KCNC2: variants seen among roughly 807,000 people sequenced by gnomAD.
KCNC2 encodes potassium voltage-gated channel subfamily C member 2, also known as voltage-gated potassium channel KCNC2.
Under a neutral mutation model 44.5 loss-of-function variants are expected in KCNC2, and 21 were observed. That is an observed-to-expected ratio of 0.47 (90% CI 0.33 to 0.68). The LOEUF is 0.68. Among genes scored for constraint, KCNC2 ranks in the 30% least tolerant of loss-of-function variants. KCNC2 has a pLI of 0.01. For synonymous variants in KCNC2, 391 were observed against 339.1 expected, an observed-to-expected ratio of 1.15 and a Z score of -1.68; for missense variants, 589 against 826.2, an observed-to-expected ratio of 0.71 and a Z score of 3.52.
At chr12:75,201,598 C>T (rs1185528860) in intron 2 of KCNC2, among the ~76,000 whole-genome samples, 1 of 151,768 alleles carries the variant, frequency 6.6e-6, no homozygotes, top group Non-Finnish European at 1.5e-5. Context: ...GGTCTCAATT[C>T]AGGCATTTTT....
chr12:75,149,389 A>T (rs1040163728), intron 2 of KCNC2, among the ~76,000 whole-genome samples: 24 of 151,952 alleles, frequency 1.6e-4, no homozygotes, highest in Middle Eastern at 6.8e-3. Flanking sequence ...AAGACTACAT[A>T]TTTGCCTTCC....
chr12:75,168,660 A>G (rs1325927673), intron 2 of KCNC2, among the ~76,000 whole-genome samples: 1 of 151,588 alleles, frequency 6.6e-6, no homozygotes, highest in Non-Finnish European at 1.5e-5. Context: ...TTACCATACC[A>G]AAACTGGCAG....
At chr12:75,199,469 G>T (rs1593082772) in intron 2 of KCNC2, among the ~76,000 whole-genome samples, 1 of 151,896 alleles carries the variant, frequency 6.6e-6, no homozygotes, top group East Asian at 1.9e-4. Context: ...ATAACATTTT[G>T]CCCCAAGTTC....
intron 1 of KCNC2, 127 bp from the exon 2 acceptor site, chr12:75,208,129 C>G: frequency 5.5e-6 from 6 of 1,086,520 alleles, no homozygotes; most frequent in Non-Finnish European, 6.5e-6. Context: ...GGCAAAGACC[C>G]TCCCCGGGAG....
chr12:75,076,038 T>TAC (rs71078709), intron 2 of KCNC2, among the ~76,000 whole-genome samples: 22,008 of 141,156 alleles, frequency 0.16, 1,599 homozygotes, highest in Middle Eastern at 0.19. Context: ...TAATGTTACA[T>TAC]ACACACACAC....
chr12:75,041,347 C>T lies in KCNC2; in HGVS notation c.*1758G>A, dbSNP rs1879881079. The T allele has an allele frequency of 2.0e-5, 30 of 1,463,742 alleles. No individual in the cohort carries two copies. The highest frequency in any genetic ancestry group is 2.5e-5 in the Non-Finnish European group (28 of 1,107,464). The allele number at this position is 1,463,742 out of a possible 1,614,324, so 90.7% of individuals were successfully genotyped here. A position where few individuals can be genotyped will look rare whatever the true frequency, so the allele number is the denominator to read the frequency against. ...TCATATATGTATGTCTGGATAAATA[C>T]ATTGCTGTACAACATCTCCAACATG... is the stretch of plus-strand genomic sequence containing the variant. On this transcript the variant is annotated 3_prime_UTR_variant, in exon 5 of 5. Coordinates refer to ENST00000549446, the MANE Select transcript of KCNC2 (RefSeq NM_139137.4).
chr12:75,157,222 C>T (rs933165454), intron 2 of KCNC2, among the ~76,000 whole-genome samples: 3 of 151,848 alleles, frequency 2.0e-5, no homozygotes, highest in African/African-American at 4.8e-5. Flanking sequence ...ATTCAGTGGG[C>T]AAGCTTTCCA....
intron 2 of KCNC2, among the ~76,000 whole-genome samples, chr12:75,052,494 A>G (rs1881284754): frequency 1.3e-5 from 2 of 152,148 alleles, no homozygotes; most frequent in Admixed American, 1.3e-4. Flanking sequence ...ATCACTAGTA[A>G]TCTGTGATAA....
intron 4 of KCNC2, among the ~76,000 whole-genome samples, chr12:75,045,384 T>G (rs1008350891): frequency 6.6e-6 from 1 of 152,004 alleles, no homozygotes; most frequent in African/African-American, 2.4e-5. Context: ...ATGGGTCCTA[T>G]ATTTCTAATG....
intron 2 of KCNC2, among the ~76,000 whole-genome samples, chr12:75,173,240 T>C (rs1891953105): frequency 6.6e-6 from 1 of 151,938 alleles, no homozygotes; most frequent in Non-Finnish European, 1.5e-5. Flanking sequence ...TGTATTAGAT[T>C]AGTTAAATCC....
intron 3 of KCNC2, 44 bp from the exon 4 acceptor site, chr12:75,048,361 G>A: frequency 1.3e-6 from 2 of 1,545,096 alleles, no homozygotes; most frequent in Non-Finnish European, 1.8e-6. Context: ...GATGAATGAG[G>A]AAATGAGACA....
At chr12:75,061,079 C>T (rs147970334) in intron 2 of KCNC2, among the ~76,000 whole-genome samples, 197 of 152,058 alleles carry the variant, frequency 1.3e-3, no homozygotes, top group African/African-American at 4.2e-3. Context: ...TTTTCTTCTC[C>T]GTTGATAGAA....
intron 2 of KCNC2, among the ~76,000 whole-genome samples, chr12:75,058,194 T>C (rs943830933): frequency 6.6e-6 from 1 of 151,944 alleles, no homozygotes; most frequent in African/African-American, 2.4e-5. Flanking sequence ...TTTTTATAAT[T>C]GTTTCATTAC....
At chr12:75,185,871 CTCTG>C (rs1319631895) in intron 2 of KCNC2, among the ~76,000 whole-genome samples, 10 of 151,860 alleles carry the variant, frequency 6.6e-5, no homozygotes, top group African/African-American at 2.4e-4. Flanking sequence ...CATGGTGAAA[CTCTG>C]TCTGTACTAA....
intron 2 of KCNC2, among the ~76,000 whole-genome samples, chr12:75,097,155 G>T (rs1418409058): frequency 6.6e-6 from 1 of 152,032 alleles, no homozygotes; most frequent in Non-Finnish European, 1.5e-5. Flanking sequence ...ATCCAAAAAG[G>T]CTACATACTG....
At chr12:75,071,766 G>A (rs1024808350) in intron 2 of KCNC2, among the ~76,000 whole-genome samples, 4 of 151,366 alleles carry the variant, frequency 2.6e-5, no homozygotes, top group South Asian at 2.1e-4. Flanking sequence ...CCTGACCAAC[G>A]TCTCTAGTAA....
chr12:75,179,034 G>T (rs11180387), intron 2 of KCNC2, among the ~76,000 whole-genome samples: 22,118 of 151,556 alleles, frequency 0.15, 2,037 homozygotes, highest in Admixed American at 0.26. Context: ...CTCCTTTCAA[G>T]GTTCATAGGA....
In KCNC2 at chr12:75,042,694, A is replaced by G. The variant is rs1880047730; in HGVS notation, c.*411T>C. 1.7e-6 allele frequency: 2 copies of G among 1,186,700 alleles called. No individual in the cohort carries two copies. Among genetic ancestry groups the G allele is most frequent in the African/African-American group, 3.2e-5 (2 of 63,306 alleles). The allele number at this position is 1,186,700 out of a possible 1,614,324, so 73.5% of individuals were successfully genotyped here. On this transcript the variant is annotated 3_prime_UTR_variant, in exon 5 of 5. Coordinates refer to ENST00000549446, the MANE Select transcript of KCNC2 (RefSeq NM_139137.4). ...AGCTGACACAAGTCATGTCGTGTGC[A>G]ATCAAGATAGGATCCCAGACATCTT...
intron 2 of KCNC2, among the ~76,000 whole-genome samples, chr12:75,145,914 A>G (rs1041204731): frequency 2.0e-5 from 3 of 151,910 alleles, no homozygotes; most frequent in African/African-American, 7.3e-5. Context: ...TTTAAGAAAT[A>G]AAATGTTACA....
Sources: allele counts gnomAD v4.1 joint callset (sites outside exome capture counted in the v4.1 genomes callset), GRCh38; gene constraint gnomAD v4.1.1; transcripts MANE v1.5; gene names NCBI Gene and HGNC (gene_info 2026-07-23, HGNC 2026-07-21).